The following ZNF503 variants were observed in gnomAD, a reference collection of about 807,000 sequenced individuals.
ZNF503 encodes the protein zinc finger protein 503, also known as NocA-like zinc finger 2.
Under a neutral mutation model 34.4 loss-of-function variants are expected in ZNF503, and 15 were observed. That is an observed-to-expected ratio of 0.44 (90% CI 0.29 to 0.67). ZNF503 has a LOEUF of 0.67. Ranked by LOEUF, ZNF503 falls within the 30% of genes least tolerant of loss-of-function variation. The pLI, the probability that ZNF503 is intolerant of heterozygous loss-of-function variation, is 0.13. For synonymous variants in ZNF503, 580 were observed against 456.8 expected, an observed-to-expected ratio of 1.27 and a Z score of -3.44; for missense variants, 1,007 against 926.8, an observed-to-expected ratio of 1.09 and a Z score of -1.12.
Position 75,398,758 on chromosome 10 carries a change from C to G in ZNF503, c.1932G>C (p.Gly644=). Residue 644 remains glycine (G), a synonymous_variant, in exon 2 of 2, where the codon GGG becomes GGC. Transcript: ENST00000372524. ...GQRLTTASAL[G]YQ is the part of the protein sequence containing the mutation. ...GCCCTCCCGGCCGCCCTCACTGATA[C>G]CCCAGCGCCGAGGCGGTGGTCAGTC... 1.4e-6 allele frequency: 2 copies of G among 1,408,306 alleles called. No homozygotes were observed. The highest frequency in any genetic ancestry group is 9.2e-7 in the Non-Finnish European group (1 of 1,085,536). The allele number at this position is 1,408,306 out of a possible 1,614,324, so 87.2% of individuals were successfully genotyped here. A position where few individuals can be genotyped will look rare whatever the true frequency, so the allele number is the denominator to read the frequency against.
chr10:75,284,451 G>T, the ZNF503 span, among the ~76,000 whole-genome samples: 1 of 151,956 alleles, frequency 6.6e-6, no homozygotes, highest in Non-Finnish European at 1.5e-5. Context: ...ACTGGAGGGC[G>T]ATGGGGAAGA....
chr10:75,334,701 G>A, the ZNF503 span, among the ~76,000 whole-genome samples: 1 of 152,190 alleles, frequency 6.6e-6, no homozygotes, highest in Non-Finnish European at 1.5e-5. Flanking sequence ...GAGTCCCAGT[G>A]CAAAGCTGGA....
At chr10:75,332,226 A>G in the ZNF503 span, among the ~76,000 whole-genome samples, 2 of 151,922 alleles carry the variant, frequency 1.3e-5, no homozygotes, top group Non-Finnish European at 2.9e-5. Flanking sequence ...TTTAAATATT[A>G]CTTTTGCTCT....
At chr10:75,285,862 GAGA>G in the ZNF503 span, among the ~76,000 whole-genome samples, 2 of 152,250 alleles carry the variant, frequency 1.3e-5, no homozygotes, top group African/African-American at 4.8e-5. Flanking sequence ...GGGAGCACCA[GAGA>G]AGGAGACAAG....
At chr10:75,363,423 C>T in the ZNF503 span, among the ~76,000 whole-genome samples, 1 of 152,278 alleles carries the variant, frequency 6.6e-6, no homozygotes, top group Non-Finnish European at 1.5e-5. Context: ...ACCTCTTTTG[C>T]TCAAAGCCAT....
the ZNF503 span, among the ~76,000 whole-genome samples, chr10:75,349,756 C>T: frequency 6.6e-6 from 1 of 152,258 alleles, no homozygotes; most frequent in East Asian, 1.9e-4. Flanking sequence ...CCACTCTGTT[C>T]TCTGCAGAGT....
At chr10:75,359,204 C>A in the ZNF503 span, among the ~76,000 whole-genome samples, 1 of 152,234 alleles carries the variant, frequency 6.6e-6, no homozygotes, top group Non-Finnish European at 1.5e-5. Flanking sequence ...TTGACTCACT[C>A]CCTCTGCCCC....
At chr10:75,288,020 C>T in the ZNF503 span, among the ~76,000 whole-genome samples, 6 of 152,190 alleles carry the variant, frequency 3.9e-5, no homozygotes, top group African/African-American at 7.2e-5. Flanking sequence ...AGGAAAACAT[C>T]ACTGCCCTGC....
At chr10:75,294,674 C>T in the ZNF503 span, among the ~76,000 whole-genome samples, 5 of 94,058 alleles carry the variant, frequency 5.3e-5, no homozygotes, top group African/African-American at 2.0e-4. Flanking sequence ...GGGGACAGGG[C>T]GGAGGGGGAG....
the ZNF503 span, among the ~76,000 whole-genome samples, chr10:75,370,535 C>T: frequency 1.3e-5 from 2 of 152,010 alleles, no homozygotes; most frequent in Admixed American, 6.6e-5. Context: ...AATCCCAGCA[C>T]TTTGGAAGGT....
At chr10:75,400,432 T>G in intron 1 of ZNF503, 58 bp from the exon 2 acceptor site, 1 of 1,521,148 alleles carries the variant, frequency 6.6e-7, no homozygotes, top group South Asian at 1.3e-5. Context: ...GGAAACCCTT[T>G]AGAATCCTGG....
the ZNF503 span, among the ~76,000 whole-genome samples, chr10:75,280,513 A>G: frequency 6.6e-6 from 1 of 151,286 alleles, no homozygotes; most frequent in Admixed American, 6.6e-5. Flanking sequence ...ATCTCCCTGG[A>G]GATGATTGTG....
At chr10:75,300,707 T>TC in the ZNF503 span, among the ~76,000 whole-genome samples, 100 of 137,970 alleles carry the variant, frequency 7.2e-4, no homozygotes, top group South Asian at 5.1e-3. Context: ...TTTCTTTCTT[T>TC]TTTTTTTTTT....
chr10:75,292,532 C>A, the ZNF503 span, among the ~76,000 whole-genome samples: 1 of 152,214 alleles, frequency 6.6e-6, no homozygotes, highest in Non-Finnish European at 1.5e-5. Flanking sequence ...TTACTATACT[C>A]AATTCAAAAG....
chr10:75,385,312 T>C, the ZNF503 span, among the ~76,000 whole-genome samples: 3 of 152,226 alleles, frequency 2.0e-5, no homozygotes, highest in Non-Finnish European at 2.9e-5. Context: ...CTGTCTCAGT[T>C]ATCTACTGCT....
chr10:75,398,996 G>A lies in ZNF503; in HGVS notation c.1694C>T (p.Ala565Val), dbSNP rs1843742191. The change falls in exon 2 of 2, where the codon GCC becomes GTC. Residue 565 changes from alanine (A) to valine (V), a missense_variant. By Grantham distance (64) the Ala-to-Val change is moderately conservative. Transcript: ENST00000372524. ...CATGTGGCAAGCCATGGCGGCCGCG[G>A]CAGCGCTGGCCAGAGACGACGAGCT... ...YPSSSSLASAAAAAMACHMHI... is the reference protein window; with the variant it reads ...YPSSSSLASAVAAAMACHMHI... The A allele has an allele frequency of 3.1e-6, 5 of 1,606,916 alleles. No individual in the cohort carries two copies. The highest frequency in any genetic ancestry group is 4.2e-6 in the Non-Finnish European group (5 of 1,179,340).
chr10:75,359,527 T>C, the ZNF503 span, among the ~76,000 whole-genome samples: 195 of 152,300 alleles, frequency 1.3e-3, 1 homozygote, highest in African/African-American at 3.5e-3. Flanking sequence ...GGCTGTTGAG[T>C]TGACTGCTCT....
rs555023176 is a variant in ZNF503, at chr10:75,401,756, C to G, written c.-337G>C. On this transcript the variant is annotated 5_prime_UTR_variant, in exon 1 of 2. Coordinates refer to ENST00000372524, the MANE Select transcript of ZNF503 (RefSeq NM_032772.6). ...CGATGCGAGCCGCTGCGTGTCCAGC[C>G]GGGGCTCTGGCGAGGAAACTCACTT... 5.8e-6 allele frequency: 2 copies of G among 343,630 alleles called. No homozygotes were observed. Among genetic ancestry groups the G allele is most frequent in the African/African-American group, 4.4e-5 (2 of 45,174 alleles). The allele number at this position is 343,630 out of a possible 1,614,324, so 21.3% of individuals were successfully genotyped here.
the ZNF503 span, among the ~76,000 whole-genome samples, chr10:75,347,431 G>T: frequency 3.9e-5 from 6 of 152,340 alleles, no homozygotes; most frequent in Middle Eastern, 3.4e-3. Flanking sequence ...TGGAGTCAAG[G>T]CCAACCTCCT....
Sources: gnomAD v4.1 joint callset for allele counts (sites outside exome capture counted in the v4.1 genomes callset) on GRCh38, gnomAD v4.1.1 for gene constraint, MANE v1.5 for transcripts, NCBI Gene and HGNC (gene_info 2026-07-23, HGNC 2026-07-21) for gene names.